FSD1: variants seen among roughly 807,000 people sequenced by gnomAD.
FSD1 encodes the protein fibronectin type III and SPRY domain containing 1, also known as fibronectin type III and SPRY domain-containing protein 1.
In FSD1, 23 loss-of-function variants were observed where a neutral mutation model predicts 58.2. The ratio of observed to expected loss-of-function variants is 0.40; its 90% CI spans 0.28 to 0.56. FSD1 has a LOEUF of 0.56. Among genes scored for constraint, FSD1 ranks in the 20% least tolerant of loss-of-function variants. The probability of loss-of-function intolerance (pLI) is 0.54; values close to 1 mark genes in which losing one functional copy is unlikely to be tolerated. For synonymous variants in FSD1, 265 were observed against 263.4 expected, an observed-to-expected ratio of 1.01 and a Z score of -0.06; for missense variants, 563 against 670.8, an observed-to-expected ratio of 0.84 and a Z score of 1.78.
chr19:4,320,350 G>A (rs979640866), intron 10 of FSD1, among the ~76,000 whole-genome samples: 3 of 152,044 alleles, frequency 2.0e-5, no homozygotes, highest in African/African-American at 7.2e-5. Flanking sequence ...GGAGCATCTG[G>A]ACCCTGCCAG....
rs371327294 is a variant in FSD1 at position 4,312,035 on chromosome 19, A to T, written c.684A>T (p.Thr228=). 5 of 1,608,548 alleles carry T rather than the reference A, an allele frequency of 3.1e-6. No individual in the cohort carries two copies. The highest frequency in any genetic ancestry group is 3.3e-5 in the Admixed American group (2 of 59,966). ...TGGTCATCGAGGGCATCCGGCAGAC[A>T]GAGTACACCCTGACAGGTAAGGGCA... The part of the protein sequence containing the change: ...PWMVIEGIRQ[T]EYTLTGLKFD... The change falls in exon 7 of 13, where the codon ACA becomes ACT. Residue 228 remains threonine (T), a synonymous_variant. Transcript: ENST00000221856.
chr19:4,313,069 C>A (rs1411322763), intron 7 of FSD1, among the ~76,000 whole-genome samples: 1 of 151,738 alleles, frequency 6.6e-6, no homozygotes, highest in Non-Finnish European at 1.5e-5. Context: ...TGAAAGCTGG[C>A]CAGGCATGGT....
chr19:4,316,047 G>A (rs974137746), intron 7 of FSD1, among the ~76,000 whole-genome samples: 1 of 151,850 alleles, frequency 6.6e-6, no homozygotes, highest in Non-Finnish European at 1.5e-5. Flanking sequence ...GATTACAGGC[G>A]TGAGCCACCG....
At chr19:4,315,028 G>A (rs539479886) in intron 7 of FSD1, among the ~76,000 whole-genome samples, 118 of 152,350 alleles carry the variant, frequency 7.7e-4, no homozygotes, top group African/African-American at 2.7e-3. Flanking sequence ...ACCGATGAAA[G>A]CAGCTGCCTA....
At chr19:4,316,672 G>A (rs2144765952) in intron 7 of FSD1, among the ~76,000 whole-genome samples, 1 of 152,252 alleles carries the variant, frequency 6.6e-6, no homozygotes, top group South Asian at 2.1e-4. Flanking sequence ...TGGGTTGGAG[G>A]TGGAGTCAAG....
At position 4,306,223 on chromosome 19, in the gene FSD1, A is replaced by G; in HGVS notation, c.137A>G (p.Asp46Gly). Reference sequence around the variant, plus strand: ...GCGAACTCGGCGAAGGTGCAGGAGGACCTCGAAGCAGAGTTCCAGTCCCTC... The same window carrying G: ...GCGAACTCGGCGAAGGTGCAGGAGGGCCTCGAAGCAGAGTTCCAGTCCCTC... ...VEANSAKVQE[D>G]LEAEFQSLFS... The change falls in exon 3 of 13, where the codon GAC (aspartate) becomes GGC (glycine). Residue 46 changes from aspartate to glycine, a missense_variant. Physicochemically the swap from Asp to Gly is moderately conservative, Grantham distance 94. Transcript: ENST00000221856. The G allele has an allele frequency of 1.2e-6, 2 of 1,613,982 alleles. No homozygotes were observed. The highest frequency in any genetic ancestry group is 1.7e-6 in the Non-Finnish European group (2 of 1,179,970).
intron 8 of FSD1, 35 bp from the exon 9 acceptor site, chr19:4,318,311 C>T: frequency 6.2e-7 from 1 of 1,613,426 alleles, no homozygotes; most frequent in Non-Finnish European, 8.5e-7. Context: ...CCGGGTTTCC[C>T]CATCTCTGTG....
rs1395869438 is a variant in FSD1, at chr19:4,306,014, C to A, written c.84C>A (p.Ser28=). Reference sequence around the variant, plus strand: ...AAGAAATTCAGAGCTTTATCTACTCCCTGAAACAGATGCTGCTGAACGTGG... The same window carrying A: ...AAGAAATTCAGAGCTTTATCTACTCACTGAAACAGATGCTGCTGAACGTGG... The part of the protein sequence containing the change: ...KNEEIQSFIY[S]LKQMLLNVEA... The change falls in exon 2 of 13, where the codon TCC becomes TCA. Residue 28 remains serine, a synonymous_variant. Coordinates refer to ENST00000221856, the MANE Select transcript of FSD1 (RefSeq NM_024333.3). 2 of 1,614,070 alleles carry A rather than the reference C, an allele frequency of 1.2e-6. No homozygotes were observed. Among genetic ancestry groups the A allele is most frequent in the South Asian group, 2.2e-5 (2 of 91,080 alleles).
chr19:4,317,602 C>T (rs1971768706), intron 8 of FSD1, among the ~76,000 whole-genome samples: 1 of 152,202 alleles, frequency 6.6e-6, no homozygotes, highest in South Asian at 2.1e-4. Context: ...TTCACAGTGA[C>T]ACCTTCACAT....
intron 7 of FSD1, among the ~76,000 whole-genome samples, 167 bp downstream of exon 7, chr19:4,312,218 G>T (rs1404783742): frequency 1.3e-5 from 2 of 152,242 alleles, no homozygotes; most frequent in African/African-American, 4.8e-5. Flanking sequence ...GCCAGGCGCG[G>T]TGGCTCATGC....
intron 3 of FSD1, among the ~76,000 whole-genome samples, chr19:4,306,761 GCTCT>G (rs1188288796): frequency 1.3e-5 from 2 of 151,860 alleles, no homozygotes; most frequent in East Asian, 1.9e-4. Context: ...GCCCATCTGT[GCTCT>G]CTCTGAATCC....
At chr19:4,321,097 TG>T (rs1166183049) in intron 10 of FSD1, among the ~76,000 whole-genome samples, 1 of 101,916 alleles carries the variant, frequency 9.8e-6, no homozygotes. Context: ...GAGGAGTATC[TG>T]GGGAAATAGC....
intron 3 of FSD1, among the ~76,000 whole-genome samples, chr19:4,307,078 A>C (rs1971630827): frequency 8.9e-6 from 1 of 112,518 alleles, no homozygotes; most frequent in Non-Finnish European, 2.1e-5. Context: ...GTTTTGAGAC[A>C]GAGTCTTATT....
rs539007117 is a variant in FSD1, at chr19:4,310,506, T to C, written c.400T>C (p.Leu134=). Residue 134 remains leucine (L), a synonymous_variant, in exon 6 of 13, where the codon TTG becomes CTG. Transcript: ENST00000221856. Reference sequence around the variant, plus strand: ...CATGGCCCCTGCCTTCCGGCTATCATTGAAAGCGAAGGTCAGTGACAACAT... The same window carrying C: ...CATGGCCCCTGCCTTCCGGCTATCACTGAAAGCGAAGGTCAGTGACAACAT... The part of the protein sequence containing the change: ...VTMAPAFRLS[L]KAKVSDNMSH... The C allele has an allele frequency of 3.5e-5, 57 of 1,613,488 alleles. 2 individuals are homozygous for C. In the African/African-American group the frequency reaches 4.1e-4, roughly 12 times the overall value.
Position 4,307,894 on chromosome 19 carries a change from G to T in FSD1, c.256G>T (p.Ala86Ser). 6.2e-7 allele frequency: 1 copy of T among 1,613,278 alleles called. No homozygotes were observed. ...RTYELQNQLA[A>S]CTRALESSEE... Reference sequence around the variant, plus strand: ...CTGGTATCCACAGAACCAGCTGGCTGCCTGCACGCGGGCCCTGGAGAGCTC... The same window carrying T: ...CTGGTATCCACAGAACCAGCTGGCTTCCTGCACGCGGGCCCTGGAGAGCTC... The change falls in exon 4 of 13, where the codon GCC (alanine) becomes TCC (serine). Residue 86 changes from alanine (A) to serine (S), a missense_variant. Coordinates refer to ENST00000221856, the MANE Select transcript of FSD1 (RefSeq NM_024333.3).
chr19:4,318,594 G>T, intron 9 of FSD1, 89 bp downstream of exon 9: 1 of 1,249,342 alleles, frequency 8.0e-7, no homozygotes, highest in African/African-American at 1.5e-5. Flanking sequence ...GAGTTGGGGT[G>T]GAGAGGGGAC....
At position 4,323,296 on chromosome 19, in the gene FSD1, C is replaced by A; in HGVS notation, c.1292-52C>A. ...CCCCTGCCTGAGTCCCCTCCGTCTGCCCCCATCCCACTTCTGACCGGTCCC... is the reference window on the plus strand; with the variant it reads ...CCCCTGCCTGAGTCCCCTCCGTCTGACCCCATCCCACTTCTGACCGGTCCC... On this transcript the variant is annotated intron_variant, in intron 11 of 12. Coordinates refer to ENST00000221856, the MANE Select transcript of FSD1 (RefSeq NM_024333.3). The surrounding 1 kb of genome is among the most constrained non-coding windows in gnomAD (Gnocchi z 7.7). 6.2e-7 allele frequency: 1 copy of A among 1,608,422 alleles called. No homozygotes were observed. Among genetic ancestry groups the A allele is most frequent in the Non-Finnish European group, 8.5e-7 (1 of 1,177,530 alleles).
At chr19:4,322,087 G>A (rs1263571436) in intron 10 of FSD1, among the ~76,000 whole-genome samples, 1 of 149,674 alleles carries the variant, frequency 6.7e-6, no homozygotes, top group African/African-American at 2.5e-5. Flanking sequence ...GGATTATCGG[G>A]GGGAATAGCT....
chr19:4,319,190 C>T (rs950476621), intron 10 of FSD1, among the ~76,000 whole-genome samples: 1 of 152,224 alleles, frequency 6.6e-6, no homozygotes, highest in African/African-American at 2.4e-5. Context: ...AGTGCCTGGG[C>T]AGGAGCTTGG....
Sources: gnomAD v4.1 joint callset for allele counts (sites outside exome capture counted in the v4.1 genomes callset) on GRCh38, gnomAD v4.1.1 for gene constraint, Gnocchi (gnomAD v3.1) non-coding constraint, MANE v1.5 for transcripts, NCBI Gene and HGNC (gene_info 2026-07-23, HGNC 2026-07-21) for gene names.